The following ARHGEF3 variants were observed in gnomAD, a reference collection of about 807,000 sequenced individuals.
The protein encoded by ARHGEF3 is Rho guanine nucleotide exchange factor 3.
ARHGEF3 carries 28 observed loss-of-function variants against 63.2 expected under a neutral mutation model. That is an observed-to-expected ratio of 0.44 (90% CI 0.33 to 0.61). The LOEUF (loss-of-function observed/expected upper bound fraction) is 0.61, where lower values mean the gene tolerates loss of function less well. Among genes scored for constraint, ARHGEF3 ranks in the 20% least tolerant of loss-of-function variants. The pLI, the probability that ARHGEF3 is intolerant of heterozygous loss-of-function variation, is 0.03. For missense variants in ARHGEF3, 533 were observed against 659.3 expected, an observed-to-expected ratio of 0.81 and a Z score of 2.10; for synonymous variants, 266 against 254.2, an observed-to-expected ratio of 1.05 and a Z score of -0.44.
chr3:56,879,267 G>A (rs1578744963), intron 4 of ARHGEF3, among the ~76,000 whole-genome samples: 1 of 152,316 alleles, frequency 6.6e-6, no homozygotes, highest in African/African-American at 2.4e-5. Context: ...GGCCCCTGGT[G>A]TCAAAAAGGT....
intron 7 of ARHGEF3, 36 bp downstream of exon 7, chr3:56,745,169 T>C: frequency 6.3e-7 from 1 of 1,593,460 alleles, no homozygotes; most frequent in Non-Finnish European, 8.6e-7. Context: ...ATGGTGGAAA[T>C]AACAAGAAGA....
intron 1 of ARHGEF3, among the ~76,000 whole-genome samples, chr3:56,791,358 G>T (rs564054375): frequency 1.3e-5 from 2 of 152,166 alleles, no homozygotes; most frequent in East Asian, 1.9e-4. Flanking sequence ...TGGGAGGATC[G>T]CTTGAACCTG....
At chr3:56,905,420 AT>A (rs1347862391) in intron 3 of ARHGEF3, among the ~76,000 whole-genome samples, 1 of 152,202 alleles carries the variant, frequency 6.6e-6, no homozygotes, top group Non-Finnish European at 1.5e-5. Flanking sequence ...GAAATAATCA[AT>A]TTTTTTCAGT....
At chr3:56,934,671 G>A (rs1006391129) in intron 3 of ARHGEF3, among the ~76,000 whole-genome samples, 18 of 152,230 alleles carry the variant, frequency 1.2e-4, no homozygotes, top group African/African-American at 2.9e-4. Flanking sequence ...CGCTGCGCTC[G>A]ATTTCTCACC....
intron 1 of ARHGEF3, among the ~76,000 whole-genome samples, chr3:56,787,696 C>A (rs2036890012): frequency 1.4e-5 from 2 of 147,606 alleles, no homozygotes; most frequent in South Asian, 2.1e-4. Flanking sequence ...ACACTGGCTT[C>A]CCAGGATATA....
At chr3:56,911,326 C>G (rs1346494996) in intron 3 of ARHGEF3, among the ~76,000 whole-genome samples, 2 of 152,022 alleles carry the variant, frequency 1.3e-5, no homozygotes, top group Middle Eastern at 3.4e-3. Flanking sequence ...GGCAGGTGCC[C>G]AAAGAATGCA....
At chr3:56,879,199 C>T (rs2040689001) in intron 4 of ARHGEF3, among the ~76,000 whole-genome samples, 1 of 152,146 alleles carries the variant, frequency 6.6e-6, no homozygotes, top group African/African-American at 2.4e-5. Context: ...GTGCTTGAAT[C>T]ATCCTGAAAC....
At chr3:56,986,481 C>A (rs1318438995) in intron 2 of ARHGEF3, among the ~76,000 whole-genome samples, 1 of 152,168 alleles carries the variant, frequency 6.6e-6, no homozygotes, top group Non-Finnish European at 1.5e-5. Context: ...AGCCAATGTC[C>A]TGGCATGGCT....
chr3:56,820,149 T>C (rs929285531), intron 4 of ARHGEF3, among the ~76,000 whole-genome samples: 1 of 152,190 alleles, frequency 6.6e-6, no homozygotes, highest in African/African-American at 2.4e-5. Flanking sequence ...TCAACTTTTA[T>C]TGACCTACCA....
At chr3:56,915,721 A>G (rs534211400) in intron 3 of ARHGEF3, among the ~76,000 whole-genome samples, 2 of 152,272 alleles carry the variant, frequency 1.3e-5, no homozygotes, top group African/African-American at 2.4e-5. Context: ...CACTCTCCCA[A>G]TAATAAACAG....
chr3:56,882,455 C>A (rs2040799061), intron 3 of ARHGEF3: 3 of 865,508 alleles, frequency 3.5e-6, no homozygotes, highest in East Asian at 2.9e-5. Flanking sequence ...CAATCCTTAT[C>A]ATTTCTACCA....
At chr3:56,893,484 G>A (rs1056505280) in intron 3 of ARHGEF3, among the ~76,000 whole-genome samples, 2 of 151,960 alleles carry the variant, frequency 1.3e-5, no homozygotes, top group South Asian at 4.1e-4. Context: ...CAACCCCTTT[G>A]CTGGGCTTTA....
chr3:56,753,565 G>T lies in ARHGEF3; in HGVS notation c.377C>A (p.Ala126Glu). The T allele has an allele frequency of 6.2e-7, 1 of 1,613,000 alleles. No homozygotes were observed. The highest frequency in any genetic ancestry group is 8.5e-7 in the Non-Finnish European group (1 of 1,179,626). Residue 126 changes from alanine (A) to glutamate (E), a missense_variant and splice_region_variant, in exon 4 of 10, where the codon GCG (alanine) becomes GAG (glutamate). This residue lies in a region of ARHGEF3 where 107 missense variants were observed against 207.9 expected (regional missense o/e 0.51). Transcript: ENST00000296315. ...TTCTCCTTGGGAAAGCTCAAAGATCGCCTGCAAGGAAAGATAAACATATTC... is the reference window on the plus strand; with the variant it reads ...TTCTCCTTGGGAAAGCTCAAAGATCTCCTGCAAGGAAAGATAAACATATTC... ...LTSKEIKRQE[A>E]IFELSQGEED...
chr3:56,739,817 C>T (rs868101495), intron 7 of ARHGEF3, among the ~76,000 whole-genome samples: 3 of 152,134 alleles, frequency 2.0e-5, no homozygotes, highest in African/African-American at 7.2e-5. Flanking sequence ...GAAGATCTTA[C>T]AGCTTTGAGC....
intron 1 of ARHGEF3, among the ~76,000 whole-genome samples, chr3:57,063,339 A>T (rs906524529): frequency 6.6e-6 from 1 of 152,170 alleles, no homozygotes; most frequent in African/African-American, 2.4e-5. Context: ...GAGCTATTTG[A>T]GGGCTTTGAG....
intron 1 of ARHGEF3, among the ~76,000 whole-genome samples, chr3:57,068,843 A>G: frequency 6.6e-6 from 1 of 152,066 alleles, no homozygotes; most frequent in South Asian, 2.1e-4. Context: ...CCCTCACTAA[A>G]GGATGGAAAC....
At chr3:56,762,472 A>G (rs1407546013) in intron 2 of ARHGEF3, among the ~76,000 whole-genome samples, 1 of 151,416 alleles carries the variant, frequency 6.6e-6, no homozygotes, top group Non-Finnish European at 1.5e-5. Flanking sequence ...TGCAAAACAG[A>G]CTGTCTGCCG....
chr3:56,937,490 T>G (rs905762294), intron 3 of ARHGEF3, among the ~76,000 whole-genome samples: 1 of 152,228 alleles, frequency 6.6e-6, no homozygotes, highest in African/African-American at 2.4e-5. Flanking sequence ...TTGATGCACT[T>G]ATCTTTTAAC....
chr3:56,989,696 G>A (rs1042880225), intron 2 of ARHGEF3, among the ~76,000 whole-genome samples: 6 of 152,152 alleles, frequency 3.9e-5, no homozygotes, highest in Non-Finnish European at 7.4e-5. Flanking sequence ...GGCCCTCGTG[G>A]ATTCCAGCCC....
Sources: allele counts gnomAD v4.1 joint callset (sites outside exome capture counted in the v4.1 genomes callset), GRCh38; gene constraint gnomAD v4.1.1; regional missense constraint gnomAD v4.1.1; transcripts MANE v1.5; gene names NCBI Gene and HGNC (gene_info 2026-07-23, HGNC 2026-07-21).